MYT1L: variants seen among roughly 807,000 people sequenced by gnomAD.
The protein encoded by MYT1L is myelin transcription factor 1-like protein.
MYT1L carries 12 observed loss-of-function variants against 126.7 expected under a neutral mutation model. That is an observed-to-expected ratio of 0.09 (90% CI 0.06 to 0.15). The LOEUF (loss-of-function observed/expected upper bound fraction) is 0.15. MYT1L is among the 10% of genes least tolerant of loss of function. The probability of loss-of-function intolerance (pLI) is 1.00; values close to 1 mark genes in which losing one functional copy is unlikely to be tolerated. For synonymous variants in MYT1L, 541 were observed against 604.2 expected, an observed-to-expected ratio of 0.90 and a Z score of 1.53; for missense variants, 979 against 1,585.2, an observed-to-expected ratio of 0.62 and a Z score of 6.49.
At chr2:1,851,229 G>A (rs754703584) in intron 19 of MYT1L, among the ~76,000 whole-genome samples, 1 of 152,080 alleles carries the variant, frequency 6.6e-6, no homozygotes, top group Non-Finnish European at 1.5e-5. Context: ...TAGAATAACT[G>A]TACAGCTTTG....
At chr2:1,925,345 C>A (rs1374107495) in intron 9 of MYT1L, among the ~76,000 whole-genome samples, 1 of 152,208 alleles carries the variant, frequency 6.6e-6, no homozygotes, top group Non-Finnish European at 1.5e-5. Flanking sequence ...GCAGGGGGAA[C>A]AGGTCCTGGT....
chr2:2,010,559 G>A (rs915365950), intron 4 of MYT1L, among the ~76,000 whole-genome samples: 4 of 151,910 alleles, frequency 2.6e-5, no homozygotes, highest in Non-Finnish European at 1.5e-5. Flanking sequence ...ATCAAGTCTC[G>A]GTATCTTCTG....
intron 15 of MYT1L, among the ~76,000 whole-genome samples, chr2:1,890,113 A>G (rs1472084499): frequency 6.6e-6 from 1 of 151,160 alleles, no homozygotes; most frequent in Non-Finnish European, 1.5e-5. Context: ...TCTGGTATCC[A>G]GGCTGGAGTG....
intron 21 of MYT1L, among the ~76,000 whole-genome samples, chr2:1,830,905 C>T (rs2040071403): frequency 1.3e-5 from 2 of 152,204 alleles, no homozygotes; most frequent in East Asian, 1.9e-4. Context: ...GCTCCCTCTG[C>T]ACCTCCCGCA....
chr2:2,131,144 T>C (rs1265749473), intron 3 of MYT1L, among the ~76,000 whole-genome samples: 1 of 152,112 alleles, frequency 6.6e-6, no homozygotes, highest in Non-Finnish European at 1.5e-5. Context: ...TTTCCCTAAG[T>C]ATAAAAAGCT....
intron 2 of MYT1L, among the ~76,000 whole-genome samples, chr2:2,245,642 T>C (rs903130747): frequency 2.0e-5 from 3 of 151,758 alleles, no homozygotes; most frequent in South Asian, 2.1e-4. Context: ...CCCAAGCTCA[T>C]GTCTTGGAGT....
At chr2:1,859,794 C>T (rs2044348421) in intron 18 of MYT1L, among the ~76,000 whole-genome samples, 1 of 152,254 alleles carries the variant, frequency 6.6e-6, no homozygotes, top group Admixed American at 6.5e-5. Flanking sequence ...CCCTGGTGCC[C>T]TGATACCCTG....
chr2:2,056,156 G>A (rs898579514), intron 3 of MYT1L, among the ~76,000 whole-genome samples: 2 of 152,192 alleles, frequency 1.3e-5, no homozygotes, highest in South Asian at 2.1e-4. Flanking sequence ...CATGGAGTCA[G>A]GAGTGCCCTT....
At chr2:2,021,286 G>A (rs2065006398) in intron 4 of MYT1L, among the ~76,000 whole-genome samples, 2 of 152,206 alleles carry the variant, frequency 1.3e-5, no homozygotes, top group African/African-American at 4.8e-5. Flanking sequence ...CAGAGAGCAG[G>A]GGTGGAGTAA....
At position 1,922,657 on chromosome 2, in the gene MYT1L, G is replaced by A. The variant is rs573013583; in HGVS notation, c.1112C>T (p.Thr371Met). Residue 371 changes from threonine (T) to methionine (M), a missense_variant, in exon 10 of 25, where the codon ACG (threonine) becomes ATG (methionine). Physicochemically the swap from Thr to Met is moderately conservative, Grantham distance 81 (BLOSUM62 -1). Around this residue, in one of 12 missense-constraint regions of MYT1L, gnomAD observed 243 missense variants for 363.9 expected, o/e 0.67. Coordinates refer to ENST00000647738, the MANE Select transcript of MYT1L (RefSeq NM_001303052.2). This position sits in a 1 kb window ranked among gnomAD's most constrained non-coding sequence, Gnocchi z 7.4. ...VRPEEDFPGR[T>M]PDRNYSDMLN... ...CATGTCCGAGTAGTTTCTGTCCGGC[G>A]TCCTTCCGGGGAAGTCCTCTTCTGG... is the stretch of plus-strand genomic sequence containing the variant. The A allele has an allele frequency of 2.2e-5, 35 of 1,613,692 alleles. No homozygotes were observed. Among genetic ancestry groups the A allele is most frequent in the Admixed American group, 5.0e-5 (3 of 59,974 alleles).
At chr2:2,248,267 T>C (rs775547091) in intron 2 of MYT1L, among the ~76,000 whole-genome samples, 3 of 151,978 alleles carry the variant, frequency 2.0e-5, no homozygotes, top group Non-Finnish European at 4.4e-5. Context: ...TACCAATAAA[T>C]TGGAAAATCT....
intron 3 of MYT1L, among the ~76,000 whole-genome samples, chr2:2,063,022 C>T (rs1314533256): frequency 1.3e-5 from 2 of 152,202 alleles, no homozygotes; most frequent in African/African-American, 2.4e-5. Context: ...GGGAGCTGGA[C>T]AGACCCTCCA....
chr2:2,036,967 A>G (rs2066924119), intron 4 of MYT1L, among the ~76,000 whole-genome samples: 1 of 152,176 alleles, frequency 6.6e-6, no homozygotes, highest in East Asian at 1.9e-4. Flanking sequence ...CCAGTGAGTG[A>G]TGCAACAACA....
chr2:1,896,801 G>C (rs1222800313), intron 14 of MYT1L, among the ~76,000 whole-genome samples: 1 of 150,238 alleles, frequency 6.7e-6, no homozygotes, highest in East Asian at 2.0e-4. Flanking sequence ...AATAAAAGTT[G>C]AAACAAAAAA....
chr2:1,926,725 G>C (rs1421120437), intron 9 of MYT1L, among the ~76,000 whole-genome samples: 1 of 152,202 alleles, frequency 6.6e-6, no homozygotes, highest in Non-Finnish European at 1.5e-5. Flanking sequence ...ACCATGTAGA[G>C]ACAAGGTTTT....
intron 2 of MYT1L, among the ~76,000 whole-genome samples, chr2:2,214,936 AG>A (rs1180013966): frequency 6.6e-6 from 1 of 152,204 alleles, no homozygotes; most frequent in East Asian, 1.9e-4. Context: ...ACAAATGCTA[AG>A]AGGGAAAAAA....
At chr2:2,302,079 G>T (rs1464473318) in intron 1 of MYT1L, among the ~76,000 whole-genome samples, 1 of 152,040 alleles carries the variant, frequency 6.6e-6, no homozygotes, top group Non-Finnish European at 1.5e-5. Context: ...GGCTAATATT[G>T]CCATGATCAA....
At chr2:2,215,080 A>G (rs888156338) in intron 2 of MYT1L, among the ~76,000 whole-genome samples, 3 of 152,324 alleles carry the variant, frequency 2.0e-5, no homozygotes, top group Middle Eastern at 3.4e-3. Context: ...AGCATTATGC[A>G]TAATAAACCT....
intron 5 of MYT1L, among the ~76,000 whole-genome samples, chr2:1,988,148 G>A (rs2061192620): frequency 6.6e-6 from 1 of 151,652 alleles, no homozygotes; most frequent in Admixed American, 6.6e-5. Context: ...GGTAGAAACG[G>A]TGCCACATTC....
Sources: allele counts gnomAD v4.1 joint callset (sites outside exome capture counted in the v4.1 genomes callset), GRCh38; gene constraint gnomAD v4.1.1; regional missense constraint gnomAD v4.1.1; non-coding constraint Gnocchi (gnomAD v3.1); transcripts MANE v1.5; gene names NCBI Gene and HGNC (gene_info 2026-07-23, HGNC 2026-07-21).